The following GALNTL6 variants were observed in gnomAD, a reference collection of about 807,000 sequenced individuals.
GALNTL6 encodes polypeptide N-acetylgalactosaminyltransferase like 6.
GALNTL6 carries 46 observed loss-of-function variants against 73.7 expected under a neutral mutation model. That is an observed-to-expected ratio of 0.62 (90% confidence interval 0.49 to 0.80). GALNTL6 has a LOEUF of 0.80. Among genes scored for constraint, GALNTL6 ranks in the 30% least tolerant of loss-of-function variants. The pLI is 0.00. For synonymous variants in GALNTL6, 259 were observed against 263.7 expected (o/e 0.98, Z 0.17); for missense variants, 604 against 755.0 (o/e 0.80, Z 2.34).
At chr4:172,056,727 ATTTG>A (rs1440229372) in intron 2 of GALNTL6, among the ~76,000 whole-genome samples, 14 of 151,722 alleles carry the variant, frequency 9.2e-5, no homozygotes, top group Non-Finnish European at 5.9e-5. Context: ...ATTTTGACAT[ATTTG>A]TTTGTCATTT....
intron 5 of GALNTL6, among the ~76,000 whole-genome samples, chr4:172,552,142 G>A (rs897908522): frequency 6.6e-6 from 1 of 152,002 alleles, no homozygotes; most frequent in African/African-American, 2.4e-5. Context: ...AATTTTCGTT[G>A]AATAATCTAG....
intron 5 of GALNTL6, among the ~76,000 whole-genome samples, chr4:172,411,293 G>GA (rs925069853): frequency 2.9e-4 from 44 of 149,178 alleles, no homozygotes; most frequent in Admixed American, 1.7e-3. Context: ...TTTACTAAAA[G>GA]AAAAAAAAAC....
At chr4:172,458,867 G>C (rs956121200) in intron 5 of GALNTL6, among the ~76,000 whole-genome samples, 1 of 152,110 alleles carries the variant, frequency 6.6e-6, no homozygotes, top group African/African-American at 2.4e-5. Context: ...CATTTTATGA[G>C]GCCAGAATCA....
At position 171,841,489 on chromosome 4, in the gene GALNTL6, A is replaced by C. The variant is rs541341727; in HGVS notation, c.138+26771A>C. 7.9e-4 allele frequency among the ~76,000 whole-genome samples: 121 copies of C among 152,226 alleles called. 2 individuals carry two copies. Among genetic ancestry groups the C allele is most frequent in the African/African-American group, 2.4e-3 (99 of 41,572 alleles). ...TTAGTTTAAGTGAATTACTTGAAAA[A>C]CATAAACAACAAAAATAACCTTCTC... On this transcript the variant is annotated intron_variant, in intron 2 of 12. Coordinates refer to ENST00000506823, the MANE Select transcript of GALNTL6 (RefSeq NM_001034845.3).
intron 5 of GALNTL6, among the ~76,000 whole-genome samples, chr4:172,750,402 T>A (rs1255555317): frequency 6.6e-6 from 1 of 152,198 alleles, no homozygotes; most frequent in Non-Finnish European, 1.5e-5. Context: ...TACACACAAA[T>A]GAATCAGAGG....
At chr4:172,444,529 G>T (rs865885165) in intron 5 of GALNTL6, among the ~76,000 whole-genome samples, 2 of 152,144 alleles carry the variant, frequency 1.3e-5, no homozygotes, top group Non-Finnish European at 2.9e-5. Context: ...ATAAAACATA[G>T]ATACTTCCAT....
chr4:172,959,535 A>G (rs1749932620), intron 10 of GALNTL6, among the ~76,000 whole-genome samples: 1 of 152,008 alleles, frequency 6.6e-6, no homozygotes, highest in African/African-American at 2.4e-5. Context: ...ATGTTGATTA[A>G]GAAGGGGATA....
intron 2 of GALNTL6, among the ~76,000 whole-genome samples, chr4:172,196,969 G>A (rs1735793233): frequency 6.6e-6 from 1 of 152,120 alleles, no homozygotes; most frequent in South Asian, 2.1e-4. Flanking sequence ...GAAGTAAAAG[G>A]CATTCATATA....
rs558588604 is a variant in GALNTL6 at position 172,733,671 on chromosome 4, C to T, written c.554-75690C>T. ...AAAGGGCAGTTCCCCTGTACATGCTCTCTTGCCTGCTGCCATGTAAGATGT... is the reference window on the plus strand; with the variant it reads ...AAAGGGCAGTTCCCCTGTACATGCTTTCTTGCCTGCTGCCATGTAAGATGT... On this transcript the variant is annotated intron_variant, in intron 5 of 12. Transcript: ENST00000506823. Among the ~76,000 whole-genome samples the T allele has an allele frequency of 4.6e-5, 7 of 152,332 alleles. No individual in the cohort carries two copies. In the East Asian group the frequency reaches 1.4e-3, roughly 29 times the overall value.
intron 5 of GALNTL6, among the ~76,000 whole-genome samples, chr4:172,362,863 T>C (rs1742419392): frequency 6.6e-6 from 1 of 152,196 alleles, no homozygotes; most frequent in Admixed American, 6.5e-5. Context: ...TTGCCAAATT[T>C]ACCTCCAAAG....
intron 2 of GALNTL6, among the ~76,000 whole-genome samples, chr4:172,056,668 G>A (rs1471689267): frequency 1.3e-5 from 2 of 151,808 alleles, no homozygotes; most frequent in Non-Finnish European, 2.9e-5. Flanking sequence ...GAAAAAGATT[G>A]TAGAAGTATT....
chr4:172,196,451 C>A (rs1192519234), intron 2 of GALNTL6, among the ~76,000 whole-genome samples: 1 of 152,060 alleles, frequency 6.6e-6, no homozygotes, highest in East Asian at 1.9e-4. Context: ...TTTTATGGGG[C>A]CAAATTCATC....
intron 2 of GALNTL6, among the ~76,000 whole-genome samples, chr4:171,886,407 A>T (rs1736609191): frequency 1.3e-5 from 2 of 152,204 alleles, no homozygotes; most frequent in African/African-American, 4.8e-5. Context: ...CTACAGACAA[A>T]AGACTGAGAA....
At chr4:172,516,876 A>G (rs1200065848) in intron 5 of GALNTL6, among the ~76,000 whole-genome samples, 11 of 152,218 alleles carry the variant, frequency 7.2e-5, no homozygotes, top group Admixed American at 7.2e-4. Context: ...TCTGTCGTCT[A>G]CTACAACATG....
intron 5 of GALNTL6, among the ~76,000 whole-genome samples, chr4:172,728,635 A>C (rs1243679375): frequency 6.6e-6 from 1 of 152,170 alleles, no homozygotes; most frequent in Non-Finnish European, 1.5e-5. Context: ...TGATTTGGGT[A>C]TTGTGAATAT....
intron 10 of GALNTL6, among the ~76,000 whole-genome samples, chr4:172,965,621 A>G (rs1193509085): frequency 8.6e-6 from 1 of 116,240 alleles, no homozygotes; most frequent in Non-Finnish European, 2.0e-5. Context: ...TAAAAATTAA[A>G]AAAAAAAAAA....
intron 5 of GALNTL6, among the ~76,000 whole-genome samples, chr4:172,754,778 TTAGAA>T (rs1231134268): frequency 3.3e-5 from 5 of 151,632 alleles, no homozygotes; most frequent in Non-Finnish European, 7.4e-5. Context: ...CTTCCACAAT[TTAGAA>T]TAGAATTATG....
intron 5 of GALNTL6, among the ~76,000 whole-genome samples, chr4:172,354,343 C>G (rs1268198129): frequency 6.6e-6 from 1 of 151,992 alleles, no homozygotes; most frequent in African/African-American, 2.4e-5. Flanking sequence ...AGGAACTAAG[C>G]AAATGTTAAA....
At chr4:172,318,339 A>G (rs1740636935) in intron 4 of GALNTL6, among the ~76,000 whole-genome samples, 1 of 152,196 alleles carries the variant, frequency 6.6e-6, no homozygotes, top group Non-Finnish European at 1.5e-5. Context: ...CCTTGGAGAG[A>G]TAACAGTTTA....
Sources: allele counts gnomAD v4.1 joint callset (sites outside exome capture counted in the v4.1 genomes callset), GRCh38; gene constraint gnomAD v4.1.1; transcripts MANE v1.5; gene names NCBI Gene and HGNC (gene_info 2026-07-23, HGNC 2026-07-21).